Variants in DLGAP3 observed in about 807,000 individuals in gnomAD.
The protein encoded by DLGAP3 is DLG associated protein 3, also known as disks large-associated protein 3.
DLGAP3 carries 17 observed loss-of-function variants against 81.2 expected under a neutral mutation model. The ratio of observed to expected loss-of-function variants is 0.21; its 90% CI spans 0.14 to 0.31. The LOEUF (loss-of-function observed/expected upper bound fraction) is 0.31, where lower values mean the gene tolerates loss of function less well. Ranked by LOEUF, DLGAP3 falls within the 10% of genes least tolerant of loss-of-function variation. DLGAP3 has a pLI of 1.00. For missense variants in DLGAP3, 1,124 were observed against 1,388.0 expected (o/e 0.81, Z 3.02); for synonymous variants, 577 against 587.4 (o/e 0.98, Z 0.26).
intron 1 of DLGAP3, among the ~76,000 whole-genome samples, chr1:34,912,686 G>GA (rs1328024657): frequency 5.9e-5 from 9 of 152,160 alleles, no homozygotes; most frequent in African/African-American, 1.9e-4. Context: ...AGCCATGTGT[G>GA]TCCCTGGGAT....
intron 11 of DLGAP3, among the ~76,000 whole-genome samples, chr1:34,866,764 C>T (rs114607717): frequency 0.014 from 2,086 of 149,122 alleles, 52 homozygotes; most frequent in African/African-American, 0.048. Flanking sequence ...CTTTTGCTCT[C>T]TCCAGCTGCA....
At chr1:34,903,110 T>C (rs1639487661) in intron 3 of DLGAP3, among the ~76,000 whole-genome samples, 1 of 152,212 alleles carries the variant, frequency 6.6e-6, no homozygotes, top group Non-Finnish European at 1.5e-5. Flanking sequence ...ACACACAGCC[T>C]CTATTCTCCA....
intron 1 of DLGAP3, among the ~76,000 whole-genome samples, chr1:34,909,242 C>A (rs1639604727): frequency 6.6e-6 from 1 of 152,220 alleles, no homozygotes; most frequent in Admixed American, 6.5e-5. Flanking sequence ...GAAACTTCAG[C>A]CCCTCTGGCA....
chr1:34,923,448 A>G (rs1454329282), intron 1 of DLGAP3, among the ~76,000 whole-genome samples: 1 of 152,156 alleles, frequency 6.6e-6, no homozygotes, highest in Admixed American at 6.5e-5. Context: ...GGAAGGGAGC[A>G]GGGAGGCAAG....
intron 5 of DLGAP3, among the ~76,000 whole-genome samples, chr1:34,888,651 T>C (rs1557473371): frequency 6.6e-6 from 1 of 152,190 alleles, no homozygotes; most frequent in African/African-American, 2.4e-5. Flanking sequence ...TGTATGGAAA[T>C]CCCAGGCCAT....
Position 34,866,135 on chromosome 1 carries a change from T to G in DLGAP3, c.2888A>C (p.Glu963Ala). 1 of 1,598,842 alleles carries G rather than the reference T, an allele frequency of 6.3e-7. No individual in the cohort carries two copies. Among genetic ancestry groups the G allele is most frequent in the Non-Finnish European group, 8.5e-7 (1 of 1,179,098 alleles). The change falls in exon 12 of 12, where the codon GAG becomes GCG. Residue 963 changes from glutamate (E) to alanine (A), a missense_variant. Around this residue, in one of 9 missense-constraint regions of DLGAP3, gnomAD observed 133 missense variants for 171.1 expected, o/e 0.78. Coordinates refer to ENST00000373347, the MANE Select transcript of DLGAP3 (RefSeq NM_001080418.3). ...AASFRHSSAT[E>A]SADSIEIYIP... ...GTAGATCTCGATGCTGTCGGCGCTC[T>G]CGGTGGCCGAGCTGTGGCGGAAGGA... is the stretch of plus-strand genomic sequence containing the variant.
chr1:34,916,930 C>T (rs902999736), intron 1 of DLGAP3, among the ~76,000 whole-genome samples: 2 of 152,102 alleles, frequency 1.3e-5, no homozygotes, highest in African/African-American at 4.8e-5. Context: ...GTCTCCCTGA[C>T]CTCGTGATCT....
At chr1:34,886,364 G>A in intron 5 of DLGAP3, 79 bp from the exon 6 acceptor site, 1 of 1,339,560 alleles carries the variant, frequency 7.5e-7, no homozygotes, top group Non-Finnish European at 1.0e-6. Flanking sequence ...TGCCTTAGGG[G>A]AAGACCTCTC....
intron 8 of DLGAP3, among the ~76,000 whole-genome samples, chr1:34,875,300 C>T (rs1473304804): frequency 1.3e-5 from 2 of 152,132 alleles, no homozygotes; most frequent in Admixed American, 6.5e-5. Flanking sequence ...GGTGGCCCTT[C>T]GTGGGCACAA....
rs926229646 is a variant in DLGAP3, at chr1:34,929,246, C to G, written c.-135+205G>C. Among the ~76,000 whole-genome samples, 14 of 151,456 alleles carry G rather than the reference C, an allele frequency of 9.2e-5. No individual in the cohort carries two copies. Among genetic ancestry groups the G allele is most frequent in the African/African-American group, 3.4e-4 (14 of 41,490 alleles). The stretch of plus-strand genomic sequence containing the variant: ...GGTCCGCGTGGTCCCCTGCCCGCCC[C>G]TCGGGTCGGGCCCGCGGGCAGCCAG... On this transcript the variant is annotated intron_variant, in intron 1 of 11. Transcript: ENST00000373347. This position sits in a 1 kb window ranked among gnomAD's most constrained non-coding sequence, Gnocchi z 6.5.
Position 34,900,462 on chromosome 1 carries a change from C to T in DLGAP3, c.1108-189G>A, listed in dbSNP as rs755404532. Among the ~76,000 whole-genome samples the T allele has an allele frequency of 7.9e-5, 12 of 152,220 alleles. No individual in the cohort carries two copies. The highest frequency in any genetic ancestry group is 1.8e-4 in the Non-Finnish European group (12 of 68,042). Reference sequence around the variant, plus strand: ...CCCTTACAAGAGACACCTCGTCATCCTCCACAGACCTTCTGCACTTAATTA... The same window carrying T: ...CCCTTACAAGAGACACCTCGTCATCTTCCACAGACCTTCTGCACTTAATTA... On this transcript the variant is annotated intron_variant, in intron 3 of 11. Coordinates refer to ENST00000373347, the MANE Select transcript of DLGAP3 (RefSeq NM_001080418.3). The surrounding 1 kb of genome is among the most constrained non-coding windows in gnomAD (Gnocchi z 5.6).
At chr1:34,918,451 G>A (rs1481776548) in intron 1 of DLGAP3, among the ~76,000 whole-genome samples, 1 of 152,190 alleles carries the variant, frequency 6.6e-6, no homozygotes, top group African/African-American at 2.4e-5. Flanking sequence ...TCAGCCTGGT[G>A]CAGATGGCAG....
At chr1:34,921,216 T>A (rs1360944335) in intron 1 of DLGAP3, among the ~76,000 whole-genome samples, 2 of 152,202 alleles carry the variant, frequency 1.3e-5, no homozygotes, top group African/African-American at 4.8e-5. Context: ...GATTTCACTC[T>A]GAGTGAGATG....
Position 34,906,016 on chromosome 1 carries a change from T to TTTTTTATATATATA in DLGAP3, c.-51-583_-51-582insTATATATATAAAAA, listed in dbSNP as rs60469155. On this transcript the variant is annotated intron_variant, in intron 2 of 11. Transcript: ENST00000373347. ...ACAGAGCGAGACCTGGCCTCTAAAT[T>TTTTTTATATATATA]TATATATATATATATATTTGTTTGT... Among the ~76,000 whole-genome samples, 4 of 64,804 alleles carry TTTTTTATATATATA rather than the reference T, an allele frequency of 6.2e-5. 1 individual carries two copies. Among genetic ancestry groups the TTTTTTATATATATA allele is most frequent in the Non-Finnish European group, 1.4e-4 (4 of 29,092 alleles). The allele number at this position is 64,804 out of a possible 152,430, so 42.5% of individuals were successfully genotyped here.
In DLGAP3 at chr1:34,868,633, C is replaced by T; in HGVS notation, c.2457G>A (p.Glu819=). 1 of 1,613,154 alleles carries T rather than the reference C, an allele frequency of 6.2e-7. No individual in the cohort carries two copies. The highest frequency in any genetic ancestry group is 2.2e-5 in the East Asian group (1 of 44,888). The change falls in exon 9 of 12, where the codon GAG becomes GAA. Residue 819 remains glutamate (E), a synonymous_variant. Transcript: ENST00000373347. This position sits in a 1 kb window ranked among gnomAD's most constrained non-coding sequence, Gnocchi z 7.5. ...LEHWCQQMER[E]AEDYELPEEI... ...CCTCGGGTAGCTCATAGTCCTCCGC[C>T]TCACGCTCCATCTGCTGGCACCAGT...
At chr1:34,919,211 C>T (rs942554038) in intron 1 of DLGAP3, among the ~76,000 whole-genome samples, 33 of 152,164 alleles carry the variant, frequency 2.2e-4, no homozygotes, top group African/African-American at 7.5e-4. Flanking sequence ...GGCCTCTCGA[C>T]CCAGCCCCAT....
intron 8 of DLGAP3, among the ~76,000 whole-genome samples, chr1:34,880,905 T>G (rs1455541951): frequency 6.6e-6 from 1 of 152,070 alleles, no homozygotes; most frequent in Admixed American, 6.6e-5. Flanking sequence ...AAACTGAAGC[T>G]GTAGTTTTAA....
intron 8 of DLGAP3, among the ~76,000 whole-genome samples, chr1:34,882,151 G>A (rs968735882): frequency 3.3e-5 from 5 of 152,188 alleles, no homozygotes; most frequent in African/African-American, 7.2e-5. Flanking sequence ...CAACGTTACT[G>A]AATACAAAAT....
At chr1:34,928,146 T>C (rs958293404) in intron 1 of DLGAP3, among the ~76,000 whole-genome samples, 10 of 152,110 alleles carry the variant, frequency 6.6e-5, no homozygotes, top group South Asian at 2.1e-4. Flanking sequence ...ATGAGGGCAT[T>C]ATTTTATTAT....
Sources: gnomAD v4.1 joint callset for allele counts (sites outside exome capture counted in the v4.1 genomes callset) on GRCh38, gnomAD v4.1.1 for gene constraint, gnomAD v4.1.1 regional missense constraint, Gnocchi (gnomAD v3.1) non-coding constraint, MANE v1.5 for transcripts, NCBI Gene and HGNC (gene_info 2026-07-23, HGNC 2026-07-21) for gene names.